The following RIPK2 variants were observed in gnomAD, a reference collection of about 807,000 sequenced individuals.
RIPK2 encodes the protein receptor-interacting serine/threonine-protein kinase 2.
Under a neutral mutation model 60.9 loss-of-function variants are expected in RIPK2, and 38 were observed. The ratio of observed to expected loss-of-function variants is 0.62; its 90% CI spans 0.48 to 0.82. The LOEUF (loss-of-function observed/expected upper bound fraction) is 0.82. Among genes scored for constraint, RIPK2 ranks in the 40% least tolerant of loss-of-function variants. RIPK2 has a pLI of 0.00. For synonymous variants in RIPK2, 225 were observed against 223.4 expected (o/e 1.01, Z -0.06); for missense variants, 518 against 647.0 (o/e 0.80, Z 2.16).
At chr8:89,782,492 TTAAA>T (rs1428823323) in intron 7 of RIPK2, among the ~76,000 whole-genome samples, 1 of 152,080 alleles carries the variant, frequency 6.6e-6, no homozygotes, top group South Asian at 2.1e-4. Flanking sequence ...AGAACACGAA[TTAAA>T]TAAGATTCTT....
At chr8:89,787,610 A>G (rs1385548612) in intron 9 of RIPK2, among the ~76,000 whole-genome samples, 1 of 152,232 alleles carries the variant, frequency 6.6e-6, no homozygotes, top group African/African-American at 2.4e-5. Context: ...TAGCTAGTAA[A>G]GAAGGTGAAT....
At chr8:89,785,603 C>T (rs751084163) in intron 8 of RIPK2, among the ~76,000 whole-genome samples, 24 of 151,864 alleles carry the variant, frequency 1.6e-4, no homozygotes, top group Non-Finnish European at 2.9e-4. Flanking sequence ...ACAAATATTC[C>T]AAAATCTGAA....
chr8:89,770,586 T>G (rs1031245525), intron 4 of RIPK2, among the ~76,000 whole-genome samples: 1 of 151,870 alleles, frequency 6.6e-6, no homozygotes, highest in African/African-American at 2.4e-5. Context: ...TTATCTCTTT[T>G]AATATACTAA....
chr8:89,757,950 T>TG lies in RIPK2; in HGVS notation c.-110dup. On this transcript the variant is annotated 5_prime_UTR_variant, in exon 1 of 11. Coordinates refer to ENST00000220751, the MANE Select transcript of RIPK2 (RefSeq NM_003821.6). ...TAGTGTTGCGGGGCAAAAAGGGTCT[T>TG]GCCGGCCTCGCTCGTGCAGGGGCGT... 2 of 1,415,034 alleles carry TG rather than the reference T, an allele frequency of 1.4e-6. No homozygotes were observed. Among genetic ancestry groups the TG allele is most frequent in the Non-Finnish European group, 1.8e-6 (2 of 1,087,010 alleles). 87.7% of individuals were successfully genotyped at this position (1,415,034 alleles called of 1,614,324 possible).
intron 1 of RIPK2, chr8:89,759,238 A>T: frequency 4.4e-6 from 2 of 451,600 alleles, no homozygotes; most frequent in South Asian, 3.1e-5. Context: ...CTGTTTTCAG[A>T]AGAACATTAC....
chr8:89,758,050 C>G lies in RIPK2; in HGVS notation c.-11C>G, dbSNP rs1809078296. On this transcript the variant is annotated 5_prime_UTR_variant, in exon 1 of 11. Coordinates refer to ENST00000220751, the MANE Select transcript of RIPK2 (RefSeq NM_003821.6). ...GGGGCACACCCGGAACCGGCCTGAG[C>G]GCCCGGGACCATGAACGGGGAGGCC... The G allele has an allele frequency of 1.3e-6, 2 of 1,577,370 alleles. No homozygotes were observed. The highest frequency in any genetic ancestry group is 4.7e-5 in the East Asian group (2 of 42,954).
intron 7 of RIPK2, chr8:89,780,740 G>C: frequency 6.6e-6 from 1 of 151,710 alleles, no homozygotes; most frequent in East Asian, 1.9e-4. Flanking sequence ...GAGATTCCTC[G>C]CCAAGTTTAG....
chr8:89,762,031 CA>C (rs35751963), intron 1 of RIPK2, among the ~76,000 whole-genome samples: 14,536 of 146,912 alleles, frequency 0.099, 752 homozygotes, highest in African/African-American at 0.15. Flanking sequence ...CTTGTCTCTA[CA>C]AAAAAAAAAT....
In RIPK2 at chr8:89,784,100, A is replaced by G; in HGVS notation, c.990A>G (p.Glu330=). ...ACCTATGTGACAAGAAGAAAATGGA[A>G]TTATCTCTGAACATACCTGTAAATC... is the stretch of plus-strand genomic sequence containing the variant. ...AIHLCDKKKM[E]LSLNIPVNHG... The change falls in exon 8 of 11, where the codon GAA becomes GAG. Residue 330 remains glutamate, a synonymous_variant. Coordinates refer to ENST00000220751, the MANE Select transcript of RIPK2 (RefSeq NM_003821.6). 2.6e-6 allele frequency: 4 copies of G among 1,533,004 alleles called. No individual in the cohort carries two copies. The highest frequency in any genetic ancestry group is 3.6e-6 in the Non-Finnish European group (4 of 1,119,794). 95.0% of individuals were successfully genotyped at this position (1,533,004 alleles called of 1,614,324 possible). A position where few individuals can be genotyped will look rare whatever the true frequency, so the allele number is the denominator to read the frequency against.
chr8:89,765,356 GA>G lies in RIPK2; in HGVS notation c.344del (p.Asp115ValfsTer6), dbSNP rs1809209955. The G allele has an allele frequency of 6.2e-7, 1 of 1,607,764 alleles. No homozygotes were observed. Among genetic ancestry groups the G allele is most frequent in the African/African-American group, 1.3e-5 (1 of 74,596 alleles). On this transcript the variant is annotated frameshift_variant, in exon 3 of 11. Transcript: ENST00000220751. LOFTEE classifies it high-confidence loss of function. ...ELLHRKTEYP[D>X]VAWPLRFRIL... ...ATATATGAAGAAAACTGAATATCCTGATGTTGCTTGGCCATTGAGATTTCGC... is the reference window on the plus strand; with the variant it reads ...ATATATGAAGAAAACTGAATATCCTGTGTTGCTTGGCCATTGAGATTTCGC...
intron 8 of RIPK2, among the ~76,000 whole-genome samples, chr8:89,785,789 C>T (rs1163897980): frequency 3.3e-5 from 5 of 152,114 alleles, no homozygotes; most frequent in Admixed American, 1.3e-4. Flanking sequence ...ATAGACAGTG[C>T]GGATAATAGA....
chr8:89,784,730 G>C (rs1809557215), intron 8 of RIPK2, among the ~76,000 whole-genome samples: 1 of 152,192 alleles, frequency 6.6e-6, no homozygotes, highest in African/African-American at 2.4e-5. Flanking sequence ...ACCTGTGTTA[G>C]TCTGTTTATC....
intron 2 of RIPK2, among the ~76,000 whole-genome samples, chr8:89,764,916 G>A (rs1286725970): frequency 6.6e-6 from 1 of 151,956 alleles, no homozygotes; most frequent in East Asian, 1.9e-4. Context: ...GAATGCCTTG[G>A]TATTTACTAG....
intron 6 of RIPK2, among the ~76,000 whole-genome samples, chr8:89,773,065 C>A (rs1809340586): frequency 6.6e-6 from 1 of 152,020 alleles, no homozygotes; most frequent in Non-Finnish European, 1.5e-5. Context: ...ATATATTTAA[C>A]AAATATGTCT....
At chr8:89,766,824 G>A (rs1210596119) in intron 3 of RIPK2, among the ~76,000 whole-genome samples, 2 of 150,658 alleles carry the variant, frequency 1.3e-5, no homozygotes, top group Non-Finnish European at 3.0e-5. Flanking sequence ...TGTCTCTCAT[G>A]TCTTAAGCTC....
intron 9 of RIPK2, among the ~76,000 whole-genome samples, chr8:89,786,928 G>A (rs945331005): frequency 6.6e-6 from 1 of 151,934 alleles, no homozygotes; most frequent in Non-Finnish European, 1.5e-5. Flanking sequence ...CATGTTGGGT[G>A]GCCAAGGTGG....
At chr8:89,773,486 T>C (rs991933699) in intron 6 of RIPK2, among the ~76,000 whole-genome samples, 2 of 152,104 alleles carry the variant, frequency 1.3e-5, no homozygotes, top group Admixed American at 1.3e-4. Context: ...TTAGATGATA[T>C]TGGAGAGTTA....
At chr8:89,765,628 A>AGCCCCTAATTTCTATC (rs1160103136) in intron 3 of RIPK2, 132 bp downstream of exon 3, 25 of 517,968 alleles carry the variant, frequency 4.8e-5, no homozygotes, top group African/African-American at 4.7e-4. Context: ...TAATTTCCAT[A>AGCCCCTAATTTCTATC]GCCCCTAATT....
chr8:89,788,653 T>C (rs1809624977), intron 9 of RIPK2, among the ~76,000 whole-genome samples: 1 of 152,104 alleles, frequency 6.6e-6, no homozygotes, highest in Admixed American at 6.5e-5. Context: ...AGCATGCAAC[T>C]GTAATCCCAG....
Sources: gnomAD v4.1 joint callset for allele counts (sites outside exome capture counted in the v4.1 genomes callset) on GRCh38, gnomAD v4.1.1 for gene constraint, MANE v1.5 for transcripts, NCBI Gene and HGNC (gene_info 2026-07-23, HGNC 2026-07-21) for gene names.